The following PRICKLE2 variants were observed in gnomAD, a reference collection of about 807,000 sequenced individuals.
PRICKLE2 encodes prickle planar cell polarity protein 2, also known as prickle-like protein 2.
PRICKLE2 carries 21 observed loss-of-function variants against 81.4 expected under a neutral mutation model. The ratio of observed to expected loss-of-function variants is 0.26; its 90% CI spans 0.18 to 0.37. The LOEUF (loss-of-function observed/expected upper bound fraction) is 0.37. Among genes scored for constraint, PRICKLE2 ranks in the 10% least tolerant of loss-of-function variants. The pLI is 1.00. For synonymous variants in PRICKLE2, 456 were observed against 421.5 expected, an observed-to-expected ratio of 1.08 and a Z score of -1.00; for missense variants, 940 against 1,109.0, an observed-to-expected ratio of 0.85 and a Z score of 2.16.
At chr3:64,182,869 A>C (rs551008882) in intron 2 of PRICKLE2, among the ~76,000 whole-genome samples, 71 of 152,262 alleles carry the variant, frequency 4.7e-4, no homozygotes, top group African/African-American at 1.5e-3. Flanking sequence ...AAATGAAGAA[A>C]ACTGGGAAGG....
chr3:64,245,703 G>GA, intron 2 of PRICKLE2, among the ~76,000 whole-genome samples: 1 of 152,294 alleles, frequency 6.6e-6, no homozygotes, highest in Middle Eastern at 3.4e-3. Context: ...TGATTCCTGA[G>GA]AAAGTTTTAA....
intron 7 of PRICKLE2, chr3:64,103,367 T>C (rs1467770322): frequency 6.6e-6 from 1 of 152,164 alleles, no homozygotes; most frequent in Non-Finnish European, 1.5e-5. Flanking sequence ...TATTACACAA[T>C]AATGAGAACG....
At chr3:64,164,070 G>T (rs1171809955) in intron 2 of PRICKLE2, among the ~76,000 whole-genome samples, 1 of 152,094 alleles carries the variant, frequency 6.6e-6, no homozygotes, top group African/African-American at 2.4e-5. Context: ...AAGACTGAGG[G>T]CTCTGAAAGT....
chr3:64,150,834 G>C (rs1078397), intron 6 of PRICKLE2, among the ~76,000 whole-genome samples: 51,611 of 152,030 alleles, frequency 0.34, 8,844 homozygotes, highest in East Asian at 0.42. Flanking sequence ...GAGTGGAGGG[G>C]AGGCATATCA....
intron 2 of PRICKLE2, among the ~76,000 whole-genome samples, chr3:64,263,279 C>T (rs868140359): frequency 6.6e-6 from 1 of 152,112 alleles, no homozygotes; most frequent in Non-Finnish European, 1.5e-5. Flanking sequence ...CACTTGTACC[C>T]GAAGGAGAAA....
chr3:64,177,914 A>G (rs2078054064), intron 2 of PRICKLE2, among the ~76,000 whole-genome samples: 1 of 152,212 alleles, frequency 6.6e-6, no homozygotes, highest in Non-Finnish European at 1.5e-5. Context: ...TGTTGCATAT[A>G]TACCTAGGAG....
At chr3:64,170,426 G>C (rs559411262) in intron 2 of PRICKLE2, among the ~76,000 whole-genome samples, 4 of 152,276 alleles carry the variant, frequency 2.6e-5, no homozygotes, top group Admixed American at 1.3e-4. Flanking sequence ...GTCTAGCTAT[G>C]ACTAAGTGCT....
chr3:64,118,004 C>T (rs1256245494), intron 7 of PRICKLE2, among the ~76,000 whole-genome samples: 1 of 152,094 alleles, frequency 6.6e-6, no homozygotes, highest in Non-Finnish European at 1.5e-5. Context: ...GAAAAACAGA[C>T]ACATAGACCA....
At chr3:64,204,637 A>C (rs1255781216) in intron 1 of PRICKLE2, among the ~76,000 whole-genome samples, 1 of 151,646 alleles carries the variant, frequency 6.6e-6, no homozygotes, top group Non-Finnish European at 1.5e-5. Flanking sequence ...AAGAAAAGGA[A>C]AAAAAAAACC....
At chr3:64,139,792 T>C (rs1265610275) in intron 7 of PRICKLE2, among the ~76,000 whole-genome samples, 2 of 152,204 alleles carry the variant, frequency 1.3e-5, no homozygotes, top group Non-Finnish European at 2.9e-5. Context: ...CAACTCTTCA[T>C]ACATTCCTAC....
chr3:64,190,308 G>A (rs1160856838), intron 2 of PRICKLE2: 1 of 152,066 alleles, frequency 6.6e-6, no homozygotes. Context: ...CATTAAGTGA[G>A]AAGCAACTTG....
At chr3:64,167,464 T>C (rs770546871) in intron 2 of PRICKLE2, among the ~76,000 whole-genome samples, 5 of 152,130 alleles carry the variant, frequency 3.3e-5, no homozygotes, top group South Asian at 2.1e-4. Flanking sequence ...CTTATGAAAA[T>C]GAAATAGCCA....
intron 7 of PRICKLE2, among the ~76,000 whole-genome samples, chr3:64,122,087 C>T (rs142607380): frequency 6.4e-4 from 98 of 152,166 alleles, no homozygotes; most frequent in Admixed American, 2.7e-3. Context: ...AGTAAGTTTT[C>T]ATAAAGGGGG....
intron 2 of PRICKLE2, among the ~76,000 whole-genome samples, chr3:64,241,038 G>A (rs192929731): frequency 2.5e-4 from 38 of 152,324 alleles, no homozygotes; most frequent in African/African-American, 7.0e-4. Context: ...AAAGGACCAA[G>A]TGGTATATAT....
chr3:64,123,957 T>A (rs1043592530), intron 7 of PRICKLE2, among the ~76,000 whole-genome samples: 4 of 152,086 alleles, frequency 2.6e-5, no homozygotes, highest in Non-Finnish European at 5.9e-5. Context: ...GATCAAAAGC[T>A]GGAGATGACT....
intron 7 of PRICKLE2, among the ~76,000 whole-genome samples, chr3:64,114,464 C>T (rs374214400): frequency 3.3e-5 from 5 of 151,822 alleles, no homozygotes; most frequent in Non-Finnish European, 7.4e-5. Context: ...TGCAAGGAAG[C>T]TAAAAATGAT....
intron 2 of PRICKLE2, among the ~76,000 whole-genome samples, chr3:64,192,594 T>C (rs931463319): frequency 1.3e-5 from 2 of 152,148 alleles, no homozygotes; most frequent in African/African-American, 4.8e-5. Context: ...AAAGAGATAT[T>C]TTACAGCTTT....
chr3:64,171,708 A>G (rs141386818), intron 2 of PRICKLE2, among the ~76,000 whole-genome samples: 3 of 152,354 alleles, frequency 2.0e-5, no homozygotes, highest in East Asian at 3.9e-4. Context: ...ATACAGCAAG[A>G]GAATAAACAA....
rs761123819 is a variant in PRICKLE2 at position 64,097,766 on chromosome 3, A to T, written c.*1285T>A. The T allele has an allele frequency of 1.3e-5, 2 of 152,446 alleles. No individual in the cohort carries two copies. The highest frequency in any genetic ancestry group is 2.9e-5 in the Non-Finnish European group (2 of 68,010). 9.4% of individuals were successfully genotyped at this position (152,446 alleles called of 1,614,324 possible). A position where few individuals can be genotyped will look rare whatever the true frequency, so the allele number is the denominator to read the frequency against. ...GCTGGTTACACTGGACTCTTTCTAC[A>T]ATCTCTGGGAGCTCTTCGAGGTGGT... is the stretch of plus-strand genomic sequence containing the variant. On this transcript the variant is annotated 3_prime_UTR_variant, in exon 8 of 8. Transcript: ENST00000638394.
Sources: allele counts gnomAD v4.1 joint callset (sites outside exome capture counted in the v4.1 genomes callset), GRCh38; gene constraint gnomAD v4.1.1; transcripts MANE v1.5; gene names NCBI Gene and HGNC (gene_info 2026-07-23, HGNC 2026-07-21).